The following DENND2A variants were observed in gnomAD, a reference collection of about 807,000 sequenced individuals.
The protein encoded by DENND2A is DENN domain containing 2A, also known as DENN domain-containing protein 2A.
In DENND2A, 53 loss-of-function variants were observed where a neutral mutation model predicts 105.3. The ratio of observed to expected loss-of-function variants is 0.50; its 90% confidence interval spans 0.40 to 0.63. The LOEUF (loss-of-function observed/expected upper bound fraction) is 0.63. Ranked by LOEUF, DENND2A falls within the 30% of genes least tolerant of loss-of-function variation. DENND2A has a pLI of 0.00. For missense variants in DENND2A, 1,138 were observed against 1,279.6 expected, an observed-to-expected ratio of 0.89 and a Z score of 1.69; for synonymous variants, 522 against 508.4, an observed-to-expected ratio of 1.03 and a Z score of -0.36.
At chr7:140,536,524 T>C (rs960908955) in intron 14 of DENND2A, among the ~76,000 whole-genome samples, 1 of 152,130 alleles carries the variant, frequency 6.6e-6, no homozygotes, top group African/African-American at 2.4e-5. Flanking sequence ...ATGTCAGTGA[T>C]GGGTCTGGAT....
intron 1 of DENND2A, among the ~76,000 whole-genome samples, chr7:140,637,254 G>T (rs994825461): frequency 6.6e-6 from 1 of 152,138 alleles, no homozygotes; most frequent in African/African-American, 2.4e-5. Flanking sequence ...CACACCCCAA[G>T]ATTAAAAATG....
chr7:140,560,012 G>A (rs1797550550), intron 9 of DENND2A, among the ~76,000 whole-genome samples, 195 bp from the exon 10 acceptor site: 1 of 152,026 alleles, frequency 6.6e-6, no homozygotes, highest in African/African-American at 2.4e-5. Flanking sequence ...TAGACCTCTG[G>A]GAGAAGTTGG....
At chr7:140,578,752 G>A (rs1360408108) in intron 5 of DENND2A, among the ~76,000 whole-genome samples, 1 of 152,020 alleles carries the variant, frequency 6.6e-6, no homozygotes, top group African/African-American at 2.4e-5. Context: ...GTGGTAGTGG[G>A]CACCTGCGCT....
intron 19 of DENND2A, 147 bp from the exon 20 acceptor site, chr7:140,518,885 G>T (rs751800699): frequency 1.0e-5 from 7 of 679,458 alleles, no homozygotes; most frequent in Non-Finnish European, 1.8e-5. Context: ...GAAGCCAAAG[G>T]GGCTTTGTTC....
intron 14 of DENND2A, among the ~76,000 whole-genome samples, chr7:140,532,388 TCA>T (rs1315991909): frequency 2.6e-5 from 4 of 152,222 alleles, no homozygotes; most frequent in African/African-American, 9.6e-5. Flanking sequence ...ACGAAGTGGT[TCA>T]TGAGAAGATC....
chr7:140,607,222 G>A (rs566336168), intron 1 of DENND2A, among the ~76,000 whole-genome samples: 3 of 152,282 alleles, frequency 2.0e-5, no homozygotes, highest in Admixed American at 6.5e-5. Flanking sequence ...TCCTGGCCTG[G>A]GCATCCTCTC....
chr7:140,620,440 G>T (rs1313426568), intron 1 of DENND2A, among the ~76,000 whole-genome samples: 1 of 152,032 alleles, frequency 6.6e-6, no homozygotes, highest in East Asian at 1.9e-4. Flanking sequence ...AACAGTAGTT[G>T]CCATTGGGTA....
intron 1 of DENND2A, among the ~76,000 whole-genome samples, chr7:140,627,011 G>A (rs1433889825): frequency 6.6e-6 from 1 of 152,154 alleles, no homozygotes; most frequent in Non-Finnish European, 1.5e-5. Flanking sequence ...GTAAAATGGT[G>A]ATAATGGTAG....
At chr7:140,539,573 G>A (rs904646815) in intron 14 of DENND2A, among the ~76,000 whole-genome samples, 17 of 152,134 alleles carry the variant, frequency 1.1e-4, no homozygotes, top group African/African-American at 9.7e-5. Context: ...CTTTCCCTCC[G>A]TCCTCTCCAA....
chr7:140,636,877 TTGAGATG>T (rs1439137193), intron 1 of DENND2A, among the ~76,000 whole-genome samples: 2 of 152,066 alleles, frequency 1.3e-5, no homozygotes, highest in African/African-American at 4.8e-5. Flanking sequence ...TTATTTATTT[TTGAGATG>T]GAGTCTTGCT....
intron 6 of DENND2A, among the ~76,000 whole-genome samples, chr7:140,571,470 C>G (rs1486890369): frequency 6.6e-6 from 1 of 152,078 alleles, no homozygotes; most frequent in Non-Finnish European, 1.5e-5. Flanking sequence ...TTGAATATTT[C>G]AATTCTTATT....
intron 6 of DENND2A, among the ~76,000 whole-genome samples, chr7:140,570,377 C>A (rs1421051385): frequency 6.6e-6 from 1 of 152,096 alleles, no homozygotes. Flanking sequence ...GATGTCACTG[C>A]GGCTTGGGAA....
At chr7:140,618,760 T>C (rs1400786541) in intron 1 of DENND2A, among the ~76,000 whole-genome samples, 1 of 152,136 alleles carries the variant, frequency 6.6e-6, no homozygotes, top group East Asian at 1.9e-4. Context: ...TTTTTTGGTG[T>C]GTTTGGATCT....
At chr7:140,529,311 A>G (rs1340433157) in intron 14 of DENND2A, among the ~76,000 whole-genome samples, 1 of 152,184 alleles carries the variant, frequency 6.6e-6, no homozygotes, top group African/African-American at 2.4e-5. Flanking sequence ...ATAGGAGAGG[A>G]TGTGGAGAAA....
intron 5 of DENND2A, among the ~76,000 whole-genome samples, chr7:140,574,748 T>A (rs1798235057): frequency 5.3e-5 from 8 of 152,174 alleles, no homozygotes. Flanking sequence ...GCTGGCCAGG[T>A]GTGGTTGCTC....
Position 140,549,223 on chromosome 7 carries a change from TA to T in DENND2A, c.2038-2285del, listed in dbSNP as rs200550587. The stretch of plus-strand genomic sequence containing the variant: ...CCTGGGTGACAAGAGCAAAACCATC[TA>T]AAAAAAAAAAGTGTAAAATACCAAT... On this transcript the variant is annotated intron_variant, in intron 12 of 19. Coordinates refer to ENST00000496613, the MANE Select transcript of DENND2A (RefSeq NM_015689.5). Among the ~76,000 whole-genome samples, 876 of 139,440 alleles carry T rather than the reference TA, an allele frequency of 6.3e-3. 13 individuals carry two copies. Among genetic ancestry groups the T allele is most frequent in the East Asian group, 0.058 (265 of 4,550 alleles). The allele number at this position is 139,440 out of a possible 152,430, so 91.5% of individuals were successfully genotyped here. A position where few individuals can be genotyped will look rare whatever the true frequency, so the allele number is the denominator to read the frequency against.
intron 7 of DENND2A, among the ~76,000 whole-genome samples, chr7:140,569,146 A>G (rs116038686): frequency 0.027 from 4,087 of 152,202 alleles, 175 homozygotes; most frequent in African/African-American, 0.093. Flanking sequence ...GGCTGGTATA[A>G]AACTTCTGAC....
intron 16 of DENND2A, among the ~76,000 whole-genome samples, 172 bp downstream of exon 16, chr7:140,525,579 T>C (rs1323207700): frequency 6.6e-6 from 1 of 152,134 alleles, no homozygotes; most frequent in East Asian, 1.9e-4. Context: ...AACCCTTCCT[T>C]TTTGCCCCTT....
At chr7:140,561,448 T>C (rs540896260) in intron 9 of DENND2A, among the ~76,000 whole-genome samples, 1 of 151,934 alleles carries the variant, frequency 6.6e-6, no homozygotes, top group South Asian at 2.1e-4. Flanking sequence ...ATTTATAACG[T>C]CTAACCTAAA....
Sources: gnomAD v4.1 joint callset for allele counts (sites outside exome capture counted in the v4.1 genomes callset) on GRCh38, gnomAD v4.1.1 for gene constraint, MANE v1.5 for transcripts, NCBI Gene and HGNC (gene_info 2026-07-23, HGNC 2026-07-21) for gene names.